Variants in HMGCLL1 observed in about 807,000 individuals in gnomAD.
HMGCLL1 encodes the protein 3-hydroxy-3-methylglutaryl-CoA lyase like 1.
In HMGCLL1, 36 loss-of-function variants were observed where a neutral mutation model predicts 39.1. The ratio of observed to expected loss-of-function variants is 0.92; its 90% CI spans 0.71 to 1.22. HMGCLL1 has a LOEUF of 1.22. HMGCLL1 is among the 50% of genes most tolerant of loss of function. HMGCLL1 has a pLI of 0.00. For missense variants in HMGCLL1, 451 were observed against 416.5 expected, an observed-to-expected ratio of 1.08 and a Z score of -0.72; for synonymous variants, 149 against 144.0, an observed-to-expected ratio of 1.03 and a Z score of -0.25.
chr6:55,648,040 A>G, the HMGCLL1 span, among the ~76,000 whole-genome samples: 1 of 128,394 alleles, frequency 7.8e-6, no homozygotes, highest in East Asian at 2.2e-4. Context: ...TGTTCTTGCG[A>G]TAGTTTACTG....
At chr6:55,541,455 TAAAG>T (rs1292822330) in intron 3 of HMGCLL1, among the ~76,000 whole-genome samples, 1 of 152,102 alleles carries the variant, frequency 6.6e-6, no homozygotes, top group Non-Finnish European at 1.5e-5. Context: ...CATAAAATGA[TAAAG>T]AAAGGGCAGA....
intron 1 of HMGCLL1, among the ~76,000 whole-genome samples, chr6:55,575,786 T>C (rs775677393): frequency 7.2e-5 from 11 of 152,132 alleles, no homozygotes; most frequent in Non-Finnish European, 1.6e-4. Context: ...ACAGTAATAA[T>C]ATTCATCGAT....
intron 7 of HMGCLL1, among the ~76,000 whole-genome samples, chr6:55,461,867 A>G (rs920190579): frequency 5.9e-5 from 9 of 152,182 alleles, no homozygotes; most frequent in Non-Finnish European, 1.2e-4. Context: ...CACCTTGCTA[A>G]TGAAAACAAT....
the HMGCLL1 span, among the ~76,000 whole-genome samples, chr6:55,588,982 G>A: frequency 6.3e-5 from 7 of 110,464 alleles, no homozygotes; most frequent in East Asian, 1.9e-3. Flanking sequence ...CAGGTACAAG[G>A]ATGAGCTGTA....
chr6:55,646,662 G>A, the HMGCLL1 span, among the ~76,000 whole-genome samples: 1 of 151,894 alleles, frequency 6.6e-6, no homozygotes, highest in Non-Finnish European at 1.5e-5. Context: ...ACTGGTCATT[G>A]AGGATTATAT....
the HMGCLL1 span, among the ~76,000 whole-genome samples, chr6:55,617,423 T>A: frequency 6.6e-6 from 1 of 152,008 alleles, no homozygotes. Flanking sequence ...TTGGGAACCA[T>A]GCTAAATGAA....
the HMGCLL1 span, among the ~76,000 whole-genome samples, chr6:55,590,007 C>T: frequency 6.7e-6 from 1 of 150,174 alleles, no homozygotes; most frequent in African/African-American, 2.4e-5. Flanking sequence ...AATGCCATCC[C>T]CATCAAGCTA....
chr6:55,453,309 G>A lies in HMGCLL1; in HGVS notation c.796-13750C>T, dbSNP rs528410619. ...TTCTCCTGCCTCAGCCTTACCAGCA[G>A]CTGGGACTACAGGCGCCCGCCACCA... On this transcript the variant is annotated intron_variant, in intron 7 of 8. Coordinates refer to ENST00000274901, the MANE Select transcript of HMGCLL1 (RefSeq NM_001042406.2). Among the ~76,000 whole-genome samples, 11 of 152,266 alleles carry A rather than the reference G, an allele frequency of 7.2e-5. No homozygotes were observed. In the South Asian group the frequency reaches 2.3e-3, roughly 32 times the overall value.
At chr6:55,495,732 A>C (rs933132519) in intron 6 of HMGCLL1, 125 bp from the exon 7 acceptor site, 6 of 558,858 alleles carry the variant, frequency 1.1e-5, no homozygotes, top group Non-Finnish European at 1.8e-5. Flanking sequence ...CATGAAAAAT[A>C]TATAATGTAT....
At chr6:55,526,169 C>G (rs1768309555) in intron 3 of HMGCLL1, among the ~76,000 whole-genome samples, 1 of 151,930 alleles carries the variant, frequency 6.6e-6, no homozygotes, top group South Asian at 2.1e-4. Context: ...AACAGCTCAC[C>G]TCACTCTTAT....
At chr6:55,473,583 A>G (rs1765141189) in intron 7 of HMGCLL1, among the ~76,000 whole-genome samples, 1 of 151,500 alleles carries the variant, frequency 6.6e-6, no homozygotes. Flanking sequence ...CATATGCTAC[A>G]ATTACCCTGT....
At chr6:55,528,293 T>C (rs1161333298) in intron 3 of HMGCLL1, among the ~76,000 whole-genome samples, 1 of 152,030 alleles carries the variant, frequency 6.6e-6, no homozygotes, top group Non-Finnish European at 1.5e-5. Flanking sequence ...ATGCCATCGA[T>C]TACTATAAAA....
chr6:55,574,426 G>A (rs1771664995), intron 1 of HMGCLL1, among the ~76,000 whole-genome samples: 1 of 151,738 alleles, frequency 6.6e-6, no homozygotes, highest in African/African-American at 2.4e-5. Context: ...AGTCATATTT[G>A]CATTTTTAAT....
chr6:55,615,380 G>A, the HMGCLL1 span, among the ~76,000 whole-genome samples: 1 of 152,128 alleles, frequency 6.6e-6, no homozygotes, highest in African/African-American at 2.4e-5. Flanking sequence ...CAAGCTAGCA[G>A]TTGGGAAAAT....
chr6:55,562,371 CA>C (rs1453433213), intron 1 of HMGCLL1, among the ~76,000 whole-genome samples: 1 of 151,778 alleles, frequency 6.6e-6, no homozygotes, highest in East Asian at 1.9e-4. Context: ...TTAGAAGTAC[CA>C]ATATCAGGAA....
intron 7 of HMGCLL1, among the ~76,000 whole-genome samples, chr6:55,476,159 T>G (rs1765275217): frequency 6.6e-6 from 1 of 151,632 alleles, no homozygotes; most frequent in Non-Finnish European, 1.5e-5. Context: ...ATGGATCAAT[T>G]TGGTGAAAAC....
intron 6 of HMGCLL1, among the ~76,000 whole-genome samples, chr6:55,496,316 G>A (rs1766575048): frequency 7.3e-6 from 1 of 136,688 alleles, no homozygotes. Flanking sequence ...ATTTTAAAAG[G>A]TTAAAATTTA....
chr6:55,535,326 A>T (rs1768950948), intron 3 of HMGCLL1, among the ~76,000 whole-genome samples: 1 of 152,224 alleles, frequency 6.6e-6, no homozygotes. Context: ...CTACGAATTC[A>T]GGAGAAAAGA....
chr6:55,582,469 C>G (rs1171938997), upstream of HMGCLL1, among the ~76,000 whole-genome samples: 1 of 152,082 alleles, frequency 6.6e-6, no homozygotes, highest in African/African-American at 2.4e-5. Context: ...CCCATAACCT[C>G]TGGGGGTGGG....
Sources: allele counts gnomAD v4.1 joint callset (sites outside exome capture counted in the v4.1 genomes callset), GRCh38; gene constraint gnomAD v4.1.1; transcripts MANE v1.5; gene names NCBI Gene and HGNC (gene_info 2026-07-23, HGNC 2026-07-21).